Variants in ALKAL1 observed in about 807,000 individuals in gnomAD.
The protein encoded by ALKAL1 is ALK and LTK ligand 1.
ALKAL1 carries 23 observed loss-of-function variants against 13.5 expected under a neutral mutation model. That is an observed-to-expected ratio of 1.70 (90% CI 1.23 to 2.41). The LOEUF is 2.41. ALKAL1 is among the 30% of genes most tolerant of loss of function. The pLI is 0.00. For synonymous variants in ALKAL1, 85 were observed against 77.7 expected (o/e 1.09, Z -0.49); for missense variants, 181 against 178.4 (o/e 1.01, Z -0.08).
Position 52,565,195 on chromosome 8 carries a change from G to A in ALKAL1, c.62C>T (p.Ser21Phe). 1 of 1,354,590 alleles carries A rather than the reference G, an allele frequency of 7.4e-7. No homozygotes were observed. Among genetic ancestry groups the A allele is most frequent in the Non-Finnish European group, 9.6e-7 (1 of 1,045,480 alleles). The allele number at this position is 1,354,590 out of a possible 1,614,324, so 83.9% of individuals were successfully genotyped here. A position where few individuals can be genotyped will look rare whatever the true frequency, so the allele number is the denominator to read the frequency against. The part of the protein sequence containing the change: ...PALFLLALAL[S>F]PHGAHGRPRG... ...GGGCCTCCCGTGGGCTCCGTGCGGGGACAAAGCCAGCGCCAGCAGGAAGAG... is the reference window on the plus strand; with the variant it reads ...GGGCCTCCCGTGGGCTCCGTGCGGGAACAAAGCCAGCGCCAGCAGGAAGAG... Residue 21 changes from serine (S) to phenylalanine (F), a missense_variant, in exon 1 of 5, where the codon TCC becomes TTC. By Grantham distance (155) the Ser-to-Phe change is radical. Transcript: ENST00000358543.
chr8:52,557,031 T>C (rs1424466101), intron 1 of ALKAL1, among the ~76,000 whole-genome samples: 1 of 152,212 alleles, frequency 6.6e-6, no homozygotes, highest in Non-Finnish European at 1.5e-5. Flanking sequence ...CAAAAGATAG[T>C]TATAAGAAAA....
chr8:52,540,955 CA>C (rs1847306930), intron 2 of ALKAL1, among the ~76,000 whole-genome samples: 2 of 152,108 alleles, frequency 1.3e-5, no homozygotes, highest in Non-Finnish European at 2.9e-5. Context: ...ACTAAGTGGG[CA>C]AACCACATCT....
At chr8:52,540,043 G>T in intron 2 of ALKAL1, 132 bp from the exon 3 acceptor site, 1 of 600,150 alleles carries the variant, frequency 1.7e-6, no homozygotes. Flanking sequence ...ACGTGCCTGA[G>T]AGCTCTTCCC....
At chr8:52,554,529 A>G (rs1847462128) in intron 1 of ALKAL1, among the ~76,000 whole-genome samples, 1 of 152,260 alleles carries the variant, frequency 6.6e-6, no homozygotes, top group African/African-American at 2.4e-5. Context: ...TAAAGAACAG[A>G]GAGCAAGTTT....
At chr8:52,550,935 G>A (rs1291800586) in intron 1 of ALKAL1, among the ~76,000 whole-genome samples, 1 of 152,120 alleles carries the variant, frequency 6.6e-6, no homozygotes, top group African/African-American at 2.4e-5. Flanking sequence ...GGCACTAGGG[G>A]ACTAGATCCT....
In ALKAL1 at chr8:52,565,099, G is replaced by A; in HGVS notation, c.158C>T (p.Ala53Val). 1 of 1,417,754 alleles carries A rather than the reference G, an allele frequency of 7.1e-7. No homozygotes were observed. The highest frequency in any genetic ancestry group is 9.2e-7 in the Non-Finnish European group (1 of 1,081,102). The allele number at this position is 1,417,754 out of a possible 1,614,324, so 87.8% of individuals were successfully genotyped here. The change falls in exon 1 of 5, where the codon GCC becomes GTC. Residue 53 changes from alanine (A) to valine (V), a missense_variant. Ala to Val is a moderately conservative substitution (Grantham distance 64). Coordinates refer to ENST00000358543, the MANE Select transcript of ALKAL1 (RefSeq NM_207413.4). ...CCGGGAGCCGCTGGGAGTCCGGCCGGCCCCGGCCGCGGGGAGGAAAAGCAA... is the reference window on the plus strand; with the variant it reads ...CCGGGAGCCGCTGGGAGTCCGGCCGACCCCGGCCGCGGGGAGGAAAAGCAA... ...KPLLFLPAAGAGRTPSGSRSA... is the reference protein window; with the variant it reads ...KPLLFLPAAGVGRTPSGSRSA...
intron 1 of ALKAL1, among the ~76,000 whole-genome samples, chr8:52,551,957 G>A (rs547465579): frequency 6.6e-6 from 1 of 152,190 alleles, no homozygotes; most frequent in African/African-American, 2.4e-5. Context: ...ACATTAGTAT[G>A]GCACATTTCT....
chr8:52,558,394 T>TTCAACAACAGCATTTAA (rs2150347803), intron 1 of ALKAL1, among the ~76,000 whole-genome samples: 2 of 150,674 alleles, frequency 1.3e-5, no homozygotes, highest in East Asian at 4.0e-4. Flanking sequence ...GGGCACACTC[T>TTCAACAACAGCATTTAA]TCAACAACAG....
intron 1 of ALKAL1, among the ~76,000 whole-genome samples, chr8:52,558,661 T>C (rs998103645): frequency 2.8e-4 from 43 of 152,152 alleles, no homozygotes; most frequent in Admixed American, 2.0e-4. Context: ...AGGCATTGGC[T>C]GAAACAATGT....
At position 52,565,171 on chromosome 8, in the gene ALKAL1, G is replaced by A. The variant is rs1439263837; in HGVS notation, c.86C>T (p.Pro29Leu). The change falls in exon 1 of 5, where the codon CCC (proline) becomes CTC (leucine). Residue 29 changes from proline to leucine, a missense_variant. By Grantham distance (98) the Pro-to-Leu change is moderately conservative. Transcript: ENST00000358543. ...GACGCGCGCTCCCCTGCGCCCCCGG[G>A]GCCTCCCGTGGGCTCCGTGCGGGGA... ...ALSPHGAHGR[P>L]RGRRGARVTD... 2.2e-6 allele frequency: 3 copies of A among 1,389,208 alleles called. No individual in the cohort carries two copies. Among genetic ancestry groups the A allele is most frequent in the Non-Finnish European group, 2.8e-6 (3 of 1,063,290 alleles). 86.1% of individuals were successfully genotyped at this position (1,389,208 alleles called of 1,614,324 possible). A position where few individuals can be genotyped will look rare whatever the true frequency, so the allele number is the denominator to read the frequency against.
intron 1 of ALKAL1, among the ~76,000 whole-genome samples, chr8:52,563,264 C>CA (rs1847568960): frequency 6.6e-6 from 1 of 151,902 alleles, no homozygotes. Flanking sequence ...ACTAAAACTA[C>CA]AAAAAAATAA....
intron 1 of ALKAL1, among the ~76,000 whole-genome samples, chr8:52,548,868 T>C (rs57215024): frequency 0.031 from 4,778 of 152,174 alleles, 224 homozygotes; most frequent in African/African-American, 0.1. Context: ...TTTAAAGAAA[T>C]AGATGTGCAT....
intron 1 of ALKAL1, among the ~76,000 whole-genome samples, chr8:52,553,249 G>A (rs1260553349): frequency 6.6e-6 from 1 of 152,140 alleles, no homozygotes; most frequent in African/African-American, 2.4e-5. Flanking sequence ...TTGGGAGGCT[G>A]AGGCAGAAGG....
intron 1 of ALKAL1, among the ~76,000 whole-genome samples, chr8:52,557,966 GAAA>G (rs33973509): frequency 8.8e-6 from 1 of 114,144 alleles, no homozygotes; most frequent in Non-Finnish European, 1.8e-5. Context: ...GACTATGTCT[GAAA>G]AAAAAAAAAA....
intron 1 of ALKAL1, among the ~76,000 whole-genome samples, chr8:52,551,595 C>T (rs1847431666): frequency 6.6e-6 from 1 of 151,954 alleles, no homozygotes; most frequent in Non-Finnish European, 1.5e-5. Context: ...AGGTGTGAGC[C>T]ACTTTGCCTG....
intron 4 of ALKAL1, among the ~76,000 whole-genome samples, chr8:52,535,880 T>C (rs1222355471): frequency 1.3e-5 from 2 of 152,166 alleles, no homozygotes; most frequent in Non-Finnish European, 2.9e-5. Context: ...TATATTGATA[T>C]TGAGTTACAC....
intron 1 of ALKAL1, among the ~76,000 whole-genome samples, chr8:52,552,276 T>C (rs1847437814): frequency 6.6e-6 from 1 of 152,120 alleles, no homozygotes; most frequent in African/African-American, 2.4e-5. Context: ...CCGAGGCAAA[T>C]GCCATTTTCA....
intron 1 of ALKAL1, among the ~76,000 whole-genome samples, chr8:52,552,045 T>C (rs772223051): frequency 2.6e-5 from 4 of 152,212 alleles, no homozygotes; most frequent in Non-Finnish European, 5.9e-5. Flanking sequence ...CACTTTTCCT[T>C]GATGTCCTTT....
chr8:52,535,245 T>G (rs1420542133), intron 4 of ALKAL1, among the ~76,000 whole-genome samples: 1 of 152,132 alleles, frequency 6.6e-6, no homozygotes, highest in Non-Finnish European at 1.5e-5. Flanking sequence ...ATTCATGTTT[T>G]GCATTGTTCA....
Sources: gnomAD v4.1 joint callset for allele counts (sites outside exome capture counted in the v4.1 genomes callset) on GRCh38, gnomAD v4.1.1 for gene constraint, MANE v1.5 for transcripts, NCBI Gene and HGNC (gene_info 2026-07-23, HGNC 2026-07-21) for gene names.